The following DIP2C variants were observed in gnomAD, a reference collection of about 807,000 sequenced individuals.
The protein encoded by DIP2C is DIP2 acetate--CoA ligase C (putative).
DIP2C carries 33 observed loss-of-function variants against 192.4 expected under a neutral mutation model. The ratio of observed to expected loss-of-function variants is 0.17; its 90% CI spans 0.13 to 0.23. The LOEUF (loss-of-function observed/expected upper bound fraction) is 0.23. DIP2C is among the 10% of genes least tolerant of loss of function. The pLI, the probability that DIP2C is intolerant of heterozygous loss-of-function variation, is 1.00. For synonymous variants in DIP2C, 979 were observed against 864.1 expected (o/e 1.13, Z -2.33); for missense variants, 1,537 against 2,110.1 (o/e 0.73, Z 5.32).
At chr10:337,282 T>TGTGGAGG (rs1957863751) in intron 29 of DIP2C, among the ~76,000 whole-genome samples, 3 of 13,146 alleles carry the variant, frequency 2.3e-4, no homozygotes, top group African/African-American at 2.6e-4. Flanking sequence ...GTGTGTGTGT[T>TGTGGAGG]CTGTGGAGGC....
intron 1 of DIP2C, among the ~76,000 whole-genome samples, chr10:499,123 G>A (rs1218021908): frequency 1.3e-5 from 2 of 152,196 alleles, no homozygotes; most frequent in Non-Finnish European, 2.9e-5. Context: ...AGAACAGTAT[G>A]GCTGAACCCC....
chr10:359,814 TCTGA>T (rs1316359430), intron 22 of DIP2C, among the ~76,000 whole-genome samples: 2 of 152,224 alleles, frequency 1.3e-5, no homozygotes, highest in Middle Eastern at 3.4e-3. Flanking sequence ...TGAGACAGAA[TCTGA>T]CTATGTTGCC....
At chr10:520,832 T>C (rs1588375877) in intron 1 of DIP2C, among the ~76,000 whole-genome samples, 1 of 152,258 alleles carries the variant, frequency 6.6e-6, no homozygotes, top group African/African-American at 2.4e-5. Context: ...CATGGTTTAA[T>C]ATGTTGCCTC....
At chr10:602,462 G>A (rs973697944) in intron 1 of DIP2C, among the ~76,000 whole-genome samples, 5 of 152,240 alleles carry the variant, frequency 3.3e-5, no homozygotes, top group Middle Eastern at 3.2e-3. Context: ...GTTAAAAGGT[G>A]TGGCCTTTGG....
chr10:477,757 G>T (rs115833162), intron 2 of DIP2C, among the ~76,000 whole-genome samples: 1 of 100,414 alleles, frequency 1.0e-5, no homozygotes, highest in African/African-American at 3.0e-5. Context: ...AAGAAAAGGA[G>T]AGAGAAGAAA....
intron 10 of DIP2C, among the ~76,000 whole-genome samples, chr10:396,858 G>T (rs1239362803): frequency 8.8e-6 from 1 of 113,100 alleles, no homozygotes; most frequent in Non-Finnish European, 2.0e-5. Flanking sequence ...CAAATCCGGT[G>T]GGGGGGAAAC....
chr10:339,123 G>T (rs1376171051), intron 29 of DIP2C, among the ~76,000 whole-genome samples: 1 of 151,858 alleles, frequency 6.6e-6, no homozygotes, highest in Non-Finnish European at 1.5e-5. Context: ...ACACCCCCAG[G>T]GCCTCTTCTG....
intron 17 of DIP2C, among the ~76,000 whole-genome samples, chr10:374,922 G>T (rs370237527): frequency 2.0e-5 from 3 of 152,204 alleles, no homozygotes; most frequent in East Asian, 1.9e-4. Flanking sequence ...CAGTTCCCAT[G>T]TGAAATGGTG....
chr10:348,722 T>C lies in DIP2C; in HGVS notation c.3150A>G (p.Ala1050=), dbSNP rs750654414. The C allele has an allele frequency of 1.9e-6, 3 of 1,613,748 alleles. No homozygotes were observed. The highest frequency in any genetic ancestry group is 2.2e-5 in the South Asian group (2 of 91,040). Residue 1050 remains alanine, a synonymous_variant, in exon 26 of 37, where the codon GCA becomes GCG. Coordinates refer to ENST00000280886, the MANE Select transcript of DIP2C (RefSeq NM_014974.3). ...GACGGACGGTTATTGGCACACAGCC[T>C]GCGTACAGGCAACCATAAAACGCTG... ...LIAAFYGCLY[A]GCVPITVRPP...
At position 651,345 on chromosome 10, in the gene DIP2C, G is replaced by GC. The variant is rs1214614523; in HGVS notation, c.85+38148dup. On this transcript the variant is annotated intron_variant, in intron 1 of 36. Coordinates refer to ENST00000280886, the MANE Select transcript of DIP2C (RefSeq NM_014974.3). This position sits in a 1 kb window ranked among gnomAD's most constrained non-coding sequence, Gnocchi z 4.1. ...ATCCCATCAGGAACCACCTACTTTT[G>GC]CATCCCCAGCACTGTGCTCAGGTCC... 1 of 702,758 alleles carries GC rather than the reference G, an allele frequency of 1.4e-6. No individual in the cohort carries two copies. Among genetic ancestry groups the GC allele is most frequent in the Non-Finnish European group, 2.6e-6 (1 of 384,840 alleles). 43.5% of individuals were successfully genotyped at this position (702,758 alleles called of 1,614,324 possible). A position where few individuals can be genotyped will look rare whatever the true frequency, so the allele number is the denominator to read the frequency against.
intron 32 of DIP2C, among the ~76,000 whole-genome samples, chr10:291,192 T>A (rs1336841904): frequency 6.6e-6 from 1 of 152,172 alleles, no homozygotes; most frequent in East Asian, 1.9e-4. Context: ...TCCTTCACTC[T>A]CTCCAGCCTC....
At chr10:395,832 G>A (rs1246976512) in intron 10 of DIP2C, among the ~76,000 whole-genome samples, 1 of 152,214 alleles carries the variant, frequency 6.6e-6, no homozygotes, top group Non-Finnish European at 1.5e-5. Flanking sequence ...CACATGCACA[G>A]GTTACAGTCA....
intron 1 of DIP2C, chr10:661,930 T>C (rs1009757641): frequency 6.1e-5 from 41 of 668,376 alleles, no homozygotes; most frequent in Admixed American, 1.1e-4. Flanking sequence ...TCATCTGCCT[T>C]CCTGCACTCC....
chr10:359,302 T>C (rs576711348), intron 22 of DIP2C, among the ~76,000 whole-genome samples: 1 of 152,294 alleles, frequency 6.6e-6, no homozygotes, highest in Admixed American at 6.5e-5. Flanking sequence ...CCTTTTCAAA[T>C]GCAGGCTGCC....
At chr10:535,895 C>G (rs1564827448) in intron 1 of DIP2C, among the ~76,000 whole-genome samples, 1 of 152,218 alleles carries the variant, frequency 6.6e-6, no homozygotes. Context: ...TATACACATA[C>G]TTATATGTAT....
At chr10:615,128 C>A (rs948570011) in intron 1 of DIP2C, among the ~76,000 whole-genome samples, 2 of 152,184 alleles carry the variant, frequency 1.3e-5, no homozygotes, top group Admixed American at 1.3e-4. Context: ...GTGATTCCCA[C>A]GACACACGTG....
At chr10:468,465 T>G (rs1241703697) in intron 3 of DIP2C, among the ~76,000 whole-genome samples, 1 of 151,998 alleles carries the variant, frequency 6.6e-6, no homozygotes, top group Non-Finnish European at 1.5e-5. Context: ...CATTATTGAT[T>G]AAAACAAAGA....
At chr10:520,290 G>A (rs566508261) in intron 1 of DIP2C, among the ~76,000 whole-genome samples, 2 of 152,230 alleles carry the variant, frequency 1.3e-5, no homozygotes, top group African/African-American at 2.4e-5. Flanking sequence ...AACATCAGAC[G>A]CCACAAAGTC....
chr10:539,533 C>A (rs796383217), intron 1 of DIP2C, among the ~76,000 whole-genome samples: 13 of 152,168 alleles, frequency 8.5e-5, no homozygotes, highest in Admixed American at 1.3e-4. Context: ...GGCAGTCCTG[C>A]AACCCACCCC....
Sources: gnomAD v4.1 joint callset for allele counts (sites outside exome capture counted in the v4.1 genomes callset) on GRCh38, gnomAD v4.1.1 for gene constraint, Gnocchi (gnomAD v3.1) non-coding constraint, MANE v1.5 for transcripts, NCBI Gene and HGNC (gene_info 2026-07-23, HGNC 2026-07-21) for gene names.